Variants in CEACAM5 observed in about 807,000 individuals in gnomAD.
CEACAM5 encodes CEA cell adhesion molecule 5.
CEACAM5 carries 52 observed loss-of-function variants against 63.0 expected under a neutral mutation model. The ratio of observed to expected loss-of-function variants is 0.83; its 90% CI spans 0.66 to 1.04. The LOEUF (loss-of-function observed/expected upper bound fraction) is 1.04, where lower values mean the gene tolerates loss of function less well. Ranked by LOEUF, CEACAM5 falls within the 50% of genes least tolerant of loss-of-function variation. The probability of loss-of-function intolerance (pLI) is 0.00; values close to 1 mark genes in which losing one functional copy is unlikely to be tolerated. For synonymous variants in CEACAM5, 357 were observed against 351.3 expected, an observed-to-expected ratio of 1.02 and a Z score of -0.18; for missense variants, 790 against 864.8, an observed-to-expected ratio of 0.91 and a Z score of 1.08.
chr19:41,710,403 C>A (rs923684227), intron 2 of CEACAM5, among the ~76,000 whole-genome samples: 4 of 152,136 alleles, frequency 2.6e-5, no homozygotes, highest in African/African-American at 9.7e-5. Context: ...CACAGAGAAG[C>A]TCAGCCCCAG....
intron 7 of CEACAM5, 50 bp from the exon 8 acceptor site, chr19:41,720,872 T>C (rs781862670): frequency 6.2e-7 from 1 of 1,602,504 alleles, no homozygotes; most frequent in East Asian, 2.2e-5. Flanking sequence ...ATCAGGAGCT[T>C]CCCCTTTCCT....
chr19:41,716,022 C>A, intron 4 of CEACAM5, 118 bp downstream of exon 4: 2 of 1,127,448 alleles, frequency 1.8e-6, no homozygotes, highest in Non-Finnish European at 2.6e-6. Flanking sequence ...ACAAGCAAAT[C>A]CCAGATTCTC....
chr19:41,718,031 G>T, intron 5 of CEACAM5, 97 bp from the exon 6 acceptor site: 1 of 1,457,580 alleles, frequency 6.9e-7, no homozygotes, highest in South Asian at 1.3e-5. Flanking sequence ...TCAGGATTGT[G>T]ACTTGGCTCA....
Position 41,717,491 on chromosome 19 carries a change from C to T in CEACAM5, c.995C>T (p.Ser332Phe). ...AAACCCTTCATCACCAGCAACAACTCCAACCCCGTGGAGGATGAGGATGCT... is the reference window on the plus strand; with the variant it reads ...AAACCCTTCATCACCAGCAACAACTTCAACCCCGTGGAGGATGAGGATGCT... ...PPKPFITSNNSNPVEDEDAVA... is the reference protein window; with the variant it reads ...PPKPFITSNNFNPVEDEDAVA... The change falls in exon 5 of 10, where the codon TCC becomes TTC. Residue 332 changes from serine to phenylalanine, a missense_variant. By Grantham distance (155) the Ser-to-Phe change is radical. Transcript: ENST00000221992. 5 of 1,614,172 alleles carry T rather than the reference C, an allele frequency of 3.1e-6. No homozygotes were observed. Among genetic ancestry groups the T allele is most frequent in the Non-Finnish European group, 4.2e-6 (5 of 1,180,010 alleles).
At position 41,722,939 on chromosome 19, in the gene CEACAM5, G is replaced by A. The variant is rs368497891; in HGVS notation, c.2026+1763G>A. On this transcript the variant is annotated intron_variant, in intron 8 of 9. Coordinates refer to ENST00000221992, the MANE Select transcript of CEACAM5 (RefSeq NM_004363.6). ...TGTTTGTTTTTTGAGATGGAGTCTC[G>A]CTCTGTCGACCAGGCTGGAGTGCAC... 1.8e-4 allele frequency among the ~76,000 whole-genome samples: 27 copies of A among 152,016 alleles called. No homozygotes were observed. In the Middle Eastern group the frequency reaches 0.01, roughly 57 times the overall value.
At chr19:41,711,774 C>T (rs1193397987) in intron 2 of CEACAM5, among the ~76,000 whole-genome samples, 1 of 152,144 alleles carries the variant, frequency 6.6e-6, no homozygotes, top group Admixed American at 6.5e-5. Context: ...AGCTGAGATG[C>T]CCATCCCTGA....
chr19:41,727,222 C>A lies in CEACAM5; in HGVS notation c.2027-12C>A, dbSNP rs373941805. 6.2e-7 allele frequency: 1 copy of A among 1,602,472 alleles called. No homozygotes were observed. The highest frequency in any genetic ancestry group is 1.7e-5 in the Admixed American group (1 of 60,016). ...CATTCCTTCTCTTTTCTTTCCATGA[C>A]GGACGATTCAGCATCTGGAACTTCT... is the stretch of plus-strand genomic sequence containing the variant. On this transcript the variant is annotated splice_polypyrimidine_tract_variant and intron_variant, in intron 8 of 9. Coordinates refer to ENST00000221992, the MANE Select transcript of CEACAM5 (RefSeq NM_004363.6).
At position 41,727,275 on chromosome 19, in the gene CEACAM5, G is replaced by A. The variant is rs368131026; in HGVS notation, c.2068G>A (p.Gly690Ser). Residue 690 changes from glycine (G) to serine (S), a missense_variant, in exon 9 of 10, where the codon GGC becomes AGC. Physicochemically the swap from Gly to Ser is moderately conservative, Grantham distance 56 (BLOSUM62 0). Coordinates refer to ENST00000221992, the MANE Select transcript of CEACAM5 (RefSeq NM_004363.6). ...SPGLSAGATVGIMIGVLVGVA... is the reference protein window; with the variant it reads ...SPGLSAGATVSIMIGVLVGVA... ...TGGTCTCTCAGCTGGGGCCACTGTCGGCATCATGATTGGAGTGCTGGTTGG... is the reference window on the plus strand; with the variant it reads ...TGGTCTCTCAGCTGGGGCCACTGTCAGCATCATGATTGGAGTGCTGGTTGG... 80 of 1,614,074 alleles carry A rather than the reference G, an allele frequency of 5.0e-5. No homozygotes were observed. Among genetic ancestry groups the A allele is most frequent in the Non-Finnish European group, 5.8e-5 (68 of 1,179,964 alleles).
Position 41,715,250 on chromosome 19 carries a change from G to C in CEACAM5, c.703+1G>C. 6.2e-7 allele frequency: 1 copy of C among 1,614,226 alleles called. No homozygotes were observed. Among genetic ancestry groups the C allele is most frequent in the Non-Finnish European group, 8.5e-7 (1 of 1,180,038 alleles). On this transcript the variant is annotated splice_donor_variant, in intron 3 of 9. Coordinates refer to ENST00000221992, the MANE Select transcript of CEACAM5 (RefSeq NM_004363.6). LOFTEE classifies it high-confidence loss of function. Reference sequence around the variant, plus strand: ...GATTCAGTCATCCTGAATGTCCTCTGTGAGTATATCTGCTCCTCTCTGGCC... The same window carrying C: ...GATTCAGTCATCCTGAATGTCCTCTCTGAGTATATCTGCTCCTCTCTGGCC...
In CEACAM5 at chr19:41,715,183, T is replaced by C. The variant is rs781991272; in HGVS notation, c.637T>C (p.Tyr213His). 21 of 1,614,208 alleles carry C rather than the reference T, an allele frequency of 1.3e-5. No homozygotes were observed. The South Asian group carries it at 2.2e-4, about 17-fold the overall frequency. ...FNVTRNDTAS[Y>H]KCETQNPVSA... Reference sequence around the variant, plus strand: ...TGTCACAAGAAATGACACAGCAAGCTACAAATGTGAAACCCAGAACCCAGT... The same window carrying C: ...TGTCACAAGAAATGACACAGCAAGCCACAAATGTGAAACCCAGAACCCAGT... Residue 213 changes from tyrosine (Y) to histidine (H), a missense_variant, in exon 3 of 10, where the codon TAC (tyrosine) becomes CAC (histidine). Tyr to His is a moderately conservative substitution (Grantham distance 83). Transcript: ENST00000221992.
In CEACAM5 at chr19:41,708,693, T is replaced by C; in HGVS notation, c.-39T>C. 6.3e-7 allele frequency: 1 copy of C among 1,588,676 alleles called. No homozygotes were observed. Among genetic ancestry groups the C allele is most frequent in the Non-Finnish European group, 8.6e-7 (1 of 1,162,714 alleles). ...GACAAAACGTTCCTGGAACTCAAGCTCTTCTCCACAGAGGAGGACAGAGCA... is the reference window on the plus strand; with the variant it reads ...GACAAAACGTTCCTGGAACTCAAGCCCTTCTCCACAGAGGAGGACAGAGCA... On this transcript the variant is annotated 5_prime_UTR_variant, in exon 1 of 10. Transcript: ENST00000221992.
chr19:41,721,293 TC>T, intron 8 of CEACAM5, 117 bp downstream of exon 8: 1 of 1,168,296 alleles, frequency 8.6e-7, no homozygotes, highest in Non-Finnish European at 1.2e-6. Context: ...CACAAGGAAA[TC>T]CCAAATTCTA....
intron 6 of CEACAM5, among the ~76,000 whole-genome samples, chr19:41,719,370 A>G (rs1315477116): frequency 1.3e-5 from 2 of 152,190 alleles, no homozygotes; most frequent in Non-Finnish European, 1.5e-5. Context: ...TCCTAAAATG[A>G]AACTCTGTTC....
In CEACAM5 at chr19:41,717,474, C is replaced by T. The variant is rs868913927; in HGVS notation, c.978C>T (p.Phe326=). 2 of 1,614,014 alleles carry T rather than the reference C, an allele frequency of 1.2e-6. No homozygotes were observed. Among genetic ancestry groups the T allele is most frequent in the Non-Finnish European group, 1.7e-6 (2 of 1,179,910 alleles). The part of the protein sequence containing the change: ...ITVYAEPPKP[F]ITSNNSNPVE... ...GCACAGCAGAGCCACCCAAACCCTT[C>T]ATCACCAGCAACAACTCCAACCCCG... Residue 326 remains phenylalanine, a synonymous_variant, in exon 5 of 10, where the codon TTC becomes TTT. Transcript: ENST00000221992.
In CEACAM5 at chr19:41,727,107, A is replaced by T. The variant is rs77155427; in HGVS notation, c.2027-127A>T. The T allele has an allele frequency of 1.0e-3, 822 of 791,932 alleles. 8 individuals carry two copies. The highest frequency in any genetic ancestry group is 0.01 in the African/African-American group (612 of 59,056). The allele number at this position is 791,932 out of a possible 1,614,324, so 49.1% of individuals were successfully genotyped here. ...AGAAAAAATTGCAACTTTCCCACAAAACTAATGCATTCCTTGAAGCAACAA... is the reference window on the plus strand; with the variant it reads ...AGAAAAAATTGCAACTTTCCCACAATACTAATGCATTCCTTGAAGCAACAA... On this transcript the variant is annotated intron_variant, in intron 8 of 9. Coordinates refer to ENST00000221992, the MANE Select transcript of CEACAM5 (RefSeq NM_004363.6).
At chr19:41,708,816 G>A in intron 1 of CEACAM5, 21 bp downstream of exon 1, 1 of 1,597,970 alleles carries the variant, frequency 6.3e-7, no homozygotes, top group Non-Finnish European at 8.5e-7. Flanking sequence ...GACAACCTGG[G>A]AGAGGGTGGG....
At chr19:41,714,278 C>T (rs943857210) in intron 2 of CEACAM5, among the ~76,000 whole-genome samples, 1 of 152,188 alleles carries the variant, frequency 6.6e-6, no homozygotes, top group Non-Finnish European at 1.5e-5. Flanking sequence ...GCAGCTCCTG[C>T]CTGTCACCTG....
intron 8 of CEACAM5, among the ~76,000 whole-genome samples, chr19:41,726,845 G>A (rs1304362585): frequency 1.3e-5 from 2 of 152,190 alleles, no homozygotes; most frequent in African/African-American, 2.4e-5. Context: ...GAATGCACTA[G>A]CCTGGGCCTT....
At chr19:41,721,739 C>G (rs2072625587) in intron 8 of CEACAM5, among the ~76,000 whole-genome samples, 1 of 152,230 alleles carries the variant, frequency 6.6e-6, no homozygotes, top group Non-Finnish European at 1.5e-5. Flanking sequence ...GTCCAGGTGG[C>G]CTGTTTTGAA....
Sources: gnomAD v4.1 joint callset for allele counts (sites outside exome capture counted in the v4.1 genomes callset) on GRCh38, gnomAD v4.1.1 for gene constraint, MANE v1.5 for transcripts, NCBI Gene and HGNC (gene_info 2026-07-23, HGNC 2026-07-21) for gene names.